The following HDX variants were observed in gnomAD, a reference collection of about 807,000 sequenced individuals.
The protein encoded by HDX is chromosome X open reading frame 43.
A neutral mutation model predicts 45.2 loss-of-function variants in HDX; 19 were observed. The observed-to-expected ratio is 0.42, with a 90% CI of 0.29 to 0.62. The LOEUF is 0.62. Ranked by LOEUF, HDX falls within the 20% of genes least tolerant of loss-of-function variation. The pLI, the probability that HDX is intolerant of heterozygous loss-of-function variation, is 0.20. For synonymous variants in HDX, 188 were observed against 172.8 expected (o/e 1.09, Z -0.69); for missense variants, 532 against 493.9 (o/e 1.08, Z -0.73).
chrX:84,399,482 T>G (rs940927399), intron 5 of HDX, among the ~76,000 whole-genome samples: 1 of 111,211 alleles, frequency 9.0e-6, no homozygotes, highest in African/African-American at 3.3e-5. Context: ...GATAAATTTC[T>G]GAACACATAC....
At chrX:84,482,922 T>C (rs1048029646) in intron 2 of HDX, among the ~76,000 whole-genome samples, 1 of 111,816 alleles carries the variant, frequency 8.9e-6, no homozygotes, top group East Asian at 2.8e-4. Flanking sequence ...CTAAATGGGA[T>C]AAATTGGCCA....
At chrX:84,402,024 C>A (rs1215039470) in intron 5 of HDX, among the ~76,000 whole-genome samples, 1 of 111,118 alleles carries the variant, frequency 9.0e-6, no homozygotes, top group African/African-American at 3.3e-5. Flanking sequence ...ATGGGAACAA[C>A]ACACACTGGG....
intron 6 of HDX, among the ~76,000 whole-genome samples, chrX:84,355,557 T>C (rs757315025): frequency 6.3e-5 from 7 of 110,949 alleles, no homozygotes; most frequent in South Asian, 7.7e-4. Flanking sequence ...AGGTCCTTTA[T>C]AGGGACATGG....
chrX:84,474,831 T>C (rs990516735), intron 3 of HDX, among the ~76,000 whole-genome samples: 2 of 112,274 alleles, frequency 1.8e-5, no homozygotes, highest in East Asian at 5.6e-4. Flanking sequence ...AAAGTATTTA[T>C]AAAGCAGACC....
At chrX:84,394,927 C>A (rs2038524925) in intron 5 of HDX, among the ~76,000 whole-genome samples, 1 of 110,934 alleles carries the variant, frequency 9.0e-6, no homozygotes, top group Non-Finnish European at 1.9e-5. Context: ...CAGCATATAA[C>A]TGGGTCACTT....
At chrX:84,420,690 C>G (rs1178565397) in intron 5 of HDX, among the ~76,000 whole-genome samples, 1 of 111,035 alleles carries the variant, frequency 9.0e-6, no homozygotes, top group Non-Finnish European at 1.9e-5. Context: ...CTCAAAGCAT[C>G]TAAGAATCAA....
intron 5 of HDX, among the ~76,000 whole-genome samples, chrX:84,418,482 T>C (rs987965040): frequency 8.9e-6 from 1 of 111,750 alleles, no homozygotes; most frequent in African/African-American, 3.3e-5. Flanking sequence ...TCTTTGCCAT[T>C]ACTTTTAACG....
Position 84,347,526 on chromosome X carries a change from A to G in HDX, c.1453-3069T>C, listed in dbSNP as rs765557404. Among the ~76,000 whole-genome samples the G allele has an allele frequency of 5.4e-5, 6 of 111,375 alleles. No homozygotes were observed. In the Admixed American group the frequency reaches 5.7e-4, roughly 11 times the overall value. ...ACTGTTCAATGTACTTTTACCTTCAATATTATTTCTCTAATGCTCTTCCTT... is the reference window on the plus strand; with the variant it reads ...ACTGTTCAATGTACTTTTACCTTCAGTATTATTTCTCTAATGCTCTTCCTT... On this transcript the variant is annotated intron_variant, in intron 6 of 10. Transcript: ENST00000373177.
At chrX:84,458,247 T>C (rs1301046038) in intron 4 of HDX, among the ~76,000 whole-genome samples, 1 of 108,595 alleles carries the variant, frequency 9.2e-6, no homozygotes, top group Non-Finnish European at 1.9e-5. Flanking sequence ...TTTAGTTCAA[T>C]CCCCCAGAAA....
intron 4 of HDX, among the ~76,000 whole-genome samples, chrX:84,448,799 G>C (rs751210374): frequency 6.3e-4 from 70 of 110,556 alleles, no homozygotes; most frequent in African/African-American, 2.2e-3. Context: ...TTATATTCAA[G>C]AAGAAATTAA....
At chrX:84,461,060 A>T (rs2148118929) in intron 4 of HDX, among the ~76,000 whole-genome samples, 1 of 111,757 alleles carries the variant, frequency 8.9e-6, no homozygotes, top group South Asian at 3.7e-4. Flanking sequence ...CAAGCTCATG[A>T]ATTAAAGGAA....
intron 5 of HDX, among the ~76,000 whole-genome samples, chrX:84,376,763 T>G (rs151280461): frequency 2.8e-3 from 315 of 112,450 alleles, no homozygotes; most frequent in African/African-American, 9.9e-3. Flanking sequence ...ACTAAAGTTA[T>G]TGACTCTAGT....
At chrX:84,337,362 T>C (rs1009327149) in intron 7 of HDX, among the ~76,000 whole-genome samples, 2 of 111,295 alleles carry the variant, frequency 1.8e-5, no homozygotes, top group Non-Finnish European at 3.8e-5. Context: ...TATGTAAATT[T>C]TCATGGAGAC....
chrX:84,480,778 G>T (rs1043323931), intron 2 of HDX, among the ~76,000 whole-genome samples: 4 of 110,422 alleles, frequency 3.6e-5, no homozygotes, highest in Non-Finnish European at 7.6e-5. Context: ...ATTTGGTTAA[G>T]AATTTTTTAG....
At chrX:84,410,896 G>C (rs2147984975) in intron 5 of HDX, among the ~76,000 whole-genome samples, 1 of 111,352 alleles carries the variant, frequency 9.0e-6, no homozygotes, top group South Asian at 3.7e-4. Flanking sequence ...AAATCTTGGA[G>C]GGTTGTATGT....
intron 4 of HDX, among the ~76,000 whole-genome samples, chrX:84,451,546 CAGAAA>C (rs1411831814): frequency 1.3e-4 from 14 of 109,817 alleles, no homozygotes; most frequent in African/African-American, 3.6e-4. Context: ...AAAATTCTAC[CAGAAA>C]AGAAAAGTCC....
rs148472948 is a variant in HDX at position 84,421,929 on chromosome X, A to G, written c.1305+18603T>C. 1.6e-4 allele frequency among the ~76,000 whole-genome samples: 18 copies of G among 110,893 alleles called. No homozygotes were observed. The East Asian group carries it at 5.1e-3, about 31-fold the overall frequency. ...TATAAAGCAAATATTACAGCTAAAGAGAGAGATGGGTTCCAATACAGTAAT... is the reference window on the plus strand; with the variant it reads ...TATAAAGCAAATATTACAGCTAAAGGGAGAGATGGGTTCCAATACAGTAAT... On this transcript the variant is annotated intron_variant, in intron 5 of 10. Transcript: ENST00000373177.
chrX:84,428,314 A>G (rs774906571), intron 5 of HDX, among the ~76,000 whole-genome samples: 143 of 110,796 alleles, frequency 1.3e-3, no homozygotes, highest in Non-Finnish European at 1.9e-3. Flanking sequence ...TCAAGGGTAC[A>G]ATTCAATTAT....
intron 4 of HDX, among the ~76,000 whole-genome samples, chrX:84,451,393 ACT>A (rs1482906455): frequency 1.8e-5 from 2 of 111,140 alleles, no homozygotes; most frequent in Non-Finnish European, 3.8e-5. Flanking sequence ...ATAAAGAACA[ACT>A]ATACACTAGC....
Sources: gnomAD v4.1 joint callset for allele counts (sites outside exome capture counted in the v4.1 genomes callset) on GRCh38, gnomAD v4.1.1 for gene constraint, MANE v1.5 for transcripts, NCBI Gene and HGNC (gene_info 2026-07-23, HGNC 2026-07-21) for gene names.